Variants in STXBP5 observed in about 807,000 individuals in gnomAD.
STXBP5 encodes the protein syntaxin-binding protein 5.
A neutral mutation model predicts 152.4 loss-of-function variants in STXBP5; 50 were observed. That is an observed-to-expected ratio of 0.33 (90% confidence interval 0.26 to 0.42). STXBP5 has a LOEUF of 0.42. Ranked by LOEUF, STXBP5 falls within the 10% of genes least tolerant of loss-of-function variation. The pLI is 1.00. For synonymous variants in STXBP5, 492 were observed against 494.7 expected (o/e 0.99, Z 0.07); for missense variants, 1,167 against 1,388.6 (o/e 0.84, Z 2.54).
chr6:147,329,293 G>C (rs1424489980), intron 18 of STXBP5, among the ~76,000 whole-genome samples: 4 of 147,932 alleles, frequency 2.7e-5, no homozygotes, highest in Non-Finnish European at 6.0e-5. Flanking sequence ...TGAAGAATTA[G>C]CTATTTAGGC....
intron 25 of STXBP5, among the ~76,000 whole-genome samples, chr6:147,366,504 A>G (rs1785297344): frequency 6.6e-6 from 1 of 152,314 alleles, no homozygotes; most frequent in Non-Finnish European, 1.5e-5. Flanking sequence ...AGGCTCTAAA[A>G]GATAATTACT....
chr6:147,265,155 A>AT (rs35370947), intron 6 of STXBP5, among the ~76,000 whole-genome samples: 2 of 152,044 alleles, frequency 1.3e-5, no homozygotes, highest in Admixed American at 6.6e-5. Flanking sequence ...AACAAATACC[A>AT]TTTTTTTCCA....
chr6:147,244,437 A>C (rs931415884), intron 4 of STXBP5, among the ~76,000 whole-genome samples: 1 of 152,220 alleles, frequency 6.6e-6, no homozygotes, highest in South Asian at 2.1e-4. Flanking sequence ...TATCCACACA[A>C]TAGCTTGCTA....
chr6:147,226,332 A>G (rs1294922444), intron 2 of STXBP5, among the ~76,000 whole-genome samples: 1 of 152,058 alleles, frequency 6.6e-6, no homozygotes, highest in Non-Finnish European at 1.5e-5. Context: ...TGGACATAAA[A>G]CATGTTTCTT....
chr6:147,237,984 T>G (rs1329500880), intron 3 of STXBP5, among the ~76,000 whole-genome samples: 2 of 152,190 alleles, frequency 1.3e-5, no homozygotes, highest in Non-Finnish European at 2.9e-5. Flanking sequence ...TCAGCTCTAG[T>G]CTAGACAGTC....
chr6:147,246,193 GT>G (rs966976511), intron 4 of STXBP5, among the ~76,000 whole-genome samples: 2 of 152,162 alleles, frequency 1.3e-5, no homozygotes, highest in Non-Finnish European at 2.9e-5. Context: ...TTAATACCTT[GT>G]TTTTTCCTTT....
At chr6:147,250,609 A>G (rs570451314) in intron 4 of STXBP5, among the ~76,000 whole-genome samples, 1 of 152,234 alleles carries the variant, frequency 6.6e-6, no homozygotes, top group South Asian at 2.1e-4. Flanking sequence ...ACCAAGGTAG[A>G]ACAGTAACCA....
At chr6:147,292,883 T>TA (rs1323091235) in intron 9 of STXBP5, 1 of 152,164 alleles carries the variant, frequency 6.6e-6, no homozygotes, top group Non-Finnish European at 1.5e-5. Flanking sequence ...TTTCCTTTCA[T>TA]AGAATTAGAA....
chr6:147,355,963 G>A (rs1196930190), intron 22 of STXBP5, among the ~76,000 whole-genome samples: 1 of 151,824 alleles, frequency 6.6e-6, no homozygotes, highest in Non-Finnish European at 1.5e-5. Flanking sequence ...TGAAAATTCT[G>A]ACTTTTTTTC....
At chr6:147,296,317 ACTC>A (rs1781522819) in intron 9 of STXBP5, among the ~76,000 whole-genome samples, 1 of 152,046 alleles carries the variant, frequency 6.6e-6, no homozygotes, top group Non-Finnish European at 1.5e-5. Context: ...GCTAAGCTGT[ACTC>A]CTCTTGCCAC....
In STXBP5 at chr6:147,388,907, G is replaced by T. The variant is rs1305510779; in HGVS notation, c.*4152G>T. ...ATGAAAACAGAGTTTATGTATTTTT[G>T]TCAATGAAGGTTTTTATTTTGTAGT... On this transcript the variant is annotated 3_prime_UTR_variant, in exon 28 of 28. Transcript: ENST00000321680. The T allele has an allele frequency of 6.6e-6, 1 of 150,936 alleles. No homozygotes were observed. The highest frequency in any genetic ancestry group is 1.5e-5 in the Non-Finnish European group (1 of 67,504). 9.3% of individuals were successfully genotyped at this position (150,936 alleles called of 1,614,324 possible).
chr6:147,384,133 A>T (rs1786228149), intron 27 of STXBP5, among the ~76,000 whole-genome samples: 1 of 152,174 alleles, frequency 6.6e-6, no homozygotes, highest in Non-Finnish European at 1.5e-5. Flanking sequence ...AGTCTAAGGA[A>T]GACAGTACAT....
chr6:147,220,163 C>T (rs1582801451), intron 2 of STXBP5, among the ~76,000 whole-genome samples: 1 of 151,946 alleles, frequency 6.6e-6, no homozygotes, highest in East Asian at 1.9e-4. Flanking sequence ...TGTTTAATCT[C>T]TACATATTTT....
At position 147,222,544 on chromosome 6, in the gene STXBP5, G is replaced by A. The variant is rs9497726; in HGVS notation, c.249-12706G>A. 8.1e-3 allele frequency among the ~76,000 whole-genome samples: 1,227 copies of A among 152,170 alleles called. 17 individuals are homozygous for A. The highest frequency in any genetic ancestry group is 0.027 in the African/African-American group (1,125 of 41,512). ...GATGGCTAAAGTGGGCTGGAGTTGC[G>A]TACTTCTCTTCCTTTACTTGGAAGG... On this transcript the variant is annotated intron_variant, in intron 2 of 27. Coordinates refer to ENST00000321680, the MANE Select transcript of STXBP5 (RefSeq NM_001127715.4).
chr6:147,330,368 C>T (rs1016932634), intron 18 of STXBP5, among the ~76,000 whole-genome samples: 4 of 152,058 alleles, frequency 2.6e-5, no homozygotes, highest in African/African-American at 7.2e-5. Context: ...TAAGAAGAAT[C>T]GTTTTTTCTC....
In STXBP5 at chr6:147,373,751, C is replaced by T; in HGVS notation, c.3102C>T (p.Phe1034=). 1 of 1,613,388 alleles carries T rather than the reference C, an allele frequency of 6.2e-7. No individual in the cohort carries two copies. The highest frequency in any genetic ancestry group is 8.5e-7 in the Non-Finnish European group (1 of 1,179,578). The part of the protein sequence containing the change: ...ENLQEMLGEL[F]TPVETPEAPN... ...TAAAGGAAATGTTGGGTGAACTCTT[C>T]ACTCCTGTAGAAACACCTGAAGCAC... Residue 1034 remains phenylalanine, a synonymous_variant, in exon 26 of 28, where the codon TTC becomes TTT. Transcript: ENST00000321680.
In STXBP5 at chr6:147,204,763, G is replaced by A. The variant is rs1776451871; in HGVS notation, c.150+81G>A. On this transcript the variant is annotated intron_variant, in intron 1 of 27. Transcript: ENST00000321680. The surrounding 1 kb of genome is among the most constrained non-coding windows in gnomAD (Gnocchi z 4.3). Reference sequence around the variant, plus strand: ...AGGGGGCTACTCGGGCTTTACATGGGAATGCAAGGGAAGAGAACGCCAATA... The same window carrying A: ...AGGGGGCTACTCGGGCTTTACATGGAAATGCAAGGGAAGAGAACGCCAATA... The A allele has an allele frequency of 1.5e-6, 2 of 1,353,544 alleles. No homozygotes were observed. The highest frequency in any genetic ancestry group is 2.0e-6 in the Non-Finnish European group (2 of 1,017,094). The allele number at this position is 1,353,544 out of a possible 1,614,324, so 83.8% of individuals were successfully genotyped here. A position where few individuals can be genotyped will look rare whatever the true frequency, so the allele number is the denominator to read the frequency against.
intron 18 of STXBP5, among the ~76,000 whole-genome samples, chr6:147,329,810 G>T (rs1783474567): frequency 6.6e-6 from 1 of 151,758 alleles, no homozygotes; most frequent in Non-Finnish European, 1.5e-5. Flanking sequence ...TGTATTTTTA[G>T]TAGAGACGGG....
chr6:147,349,150 T>C (rs2128404298), intron 21 of STXBP5, among the ~76,000 whole-genome samples: 1 of 152,314 alleles, frequency 6.6e-6, no homozygotes, highest in South Asian at 2.1e-4. Context: ...TTACATTCAT[T>C]CTGTGCATTG....
Sources: gnomAD v4.1 joint callset for allele counts (sites outside exome capture counted in the v4.1 genomes callset) on GRCh38, gnomAD v4.1.1 for gene constraint, Gnocchi (gnomAD v3.1) non-coding constraint, MANE v1.5 for transcripts, NCBI Gene and HGNC (gene_info 2026-07-23, HGNC 2026-07-21) for gene names.